Variants in MYH3 observed in about 807,000 individuals in gnomAD.
MYH3 encodes myosin heavy chain 3, also known as myosin-3.
MYH3 carries 130 observed loss-of-function variants against 238.0 expected under a neutral mutation model. That is an observed-to-expected ratio of 0.55 (90% CI 0.47 to 0.63). The LOEUF is 0.63. MYH3 is among the 30% of genes least tolerant of loss of function. The pLI, the probability that MYH3 is intolerant of heterozygous loss-of-function variation, is 0.00. For synonymous variants in MYH3, 880 were observed against 924.1 expected (o/e 0.95, Z 0.86); for missense variants, 1,853 against 2,374.9 (o/e 0.78, Z 4.57).
In MYH3 at chr17:10,628,593, G is replaced by A. The variant is rs1166544248; in HGVS notation, c.*60C>T. The A allele has an allele frequency of 5.7e-6, 9 of 1,572,590 alleles. No homozygotes were observed. The highest frequency in any genetic ancestry group is 7.9e-6 in the Non-Finnish European group (9 of 1,142,358). On this transcript the variant is annotated 3_prime_UTR_variant, in exon 41 of 41. Coordinates refer to ENST00000583535, the MANE Select transcript of MYH3 (RefSeq NM_002470.4). ...GTCACATGGACATTAAGTATCAATGGTCAGGAATCAAGAAAATATACATTT... is the reference window on the plus strand; with the variant it reads ...GTCACATGGACATTAAGTATCAATGATCAGGAATCAAGAAAATATACATTT...
At chr17:10,661,278 G>C (rs1426331654), upstream of MYH3, among the ~76,000 whole-genome samples, 1 of 119,164 alleles carries the variant, frequency 8.4e-6, no homozygotes, top group Non-Finnish European at 1.6e-5. Flanking sequence ...CACCCAGCCT[G>C]AGACTCCATC....
At position 10,642,929 on chromosome 17, in the gene MYH3, T is replaced by C; in HGVS notation, c.1478A>G (p.His493Arg). ...CTCCTCCTGCTCCAGCACGAACATGTGGTGGTTGAAAAACTGTTGCAGTTT... is the reference window on the plus strand; with the variant it reads ...CTCCTCCTGCTCCAGCACGAACATGCGGTGGTTGAAAAACTGTTGCAGTTT... ...NEKLQQFFNH[H>R]MFVLEQEEYK... Residue 493 changes from histidine to arginine, a missense_variant, in exon 15 of 41, where the codon CAC becomes CGC. Physicochemically the swap from His to Arg is conservative, Grantham distance 29 (BLOSUM62 0). Coordinates refer to ENST00000583535, the MANE Select transcript of MYH3 (RefSeq NM_002470.4). The surrounding 1 kb of genome is among the most constrained non-coding windows in gnomAD (Gnocchi z 5.4). 6.2e-7 allele frequency: 1 copy of C among 1,614,170 alleles called. No individual in the cohort carries two copies. Among genetic ancestry groups the C allele is most frequent in the South Asian group, 1.1e-5 (1 of 91,076 alleles).
At position 10,643,003 on chromosome 17, in the gene MYH3, A is replaced by C. The variant is rs2074287483; in HGVS notation, c.1411-7T>G. 1.2e-6 allele frequency: 2 copies of C among 1,614,022 alleles called. No individual in the cohort carries two copies. Among genetic ancestry groups the C allele is most frequent in the Admixed American group, 1.7e-5 (1 of 59,996 alleles). ...GCTGCTCCAGGCTGTTATACTAATAAAAAAATACAACATTCATGTGAAAAG... is the reference window on the plus strand; with the variant it reads ...GCTGCTCCAGGCTGTTATACTAATACAAAAATACAACATTCATGTGAAAAG... On this transcript the variant is annotated splice_polypyrimidine_tract_variant and splice_region_variant and intron_variant, in intron 14 of 40. Coordinates refer to ENST00000583535, the MANE Select transcript of MYH3 (RefSeq NM_002470.4).
At chr17:10,671,142 C>T in the MYH3 span, among the ~76,000 whole-genome samples, 9 of 152,290 alleles carry the variant, frequency 5.9e-5, no homozygotes, top group Admixed American at 2.0e-4. Context: ...GATCCGCCCG[C>T]CTTGGCTCCT....
chr17:10,641,380 A>G lies in MYH3; in HGVS notation c.1960-8T>C, dbSNP rs1597487275. 1 of 175,014 alleles carries G rather than the reference A, an allele frequency of 5.7e-6. No homozygotes were observed. Among genetic ancestry groups the G allele is most frequent in the Non-Finnish European group, 1.3e-5 (1 of 78,894 alleles). 10.8% of individuals were successfully genotyped at this position (175,014 alleles called of 1,614,324 possible). On this transcript the variant is annotated splice_region_variant and splice_polypyrimidine_tract_variant and intron_variant, in intron 17 of 40. Coordinates refer to ENST00000583535, the MANE Select transcript of MYH3 (RefSeq NM_002470.4). ...CAGCTTGTTCAGGTTTTCCTAAGAG[A>G]AAAAAAAAATGACATTTGCCATCCT...
intron 8 of MYH3, 90 bp downstream of exon 8, chr17:10,648,467 G>T: frequency 9.5e-7 from 1 of 1,057,974 alleles, no homozygotes; most frequent in Non-Finnish European, 1.5e-6. Flanking sequence ...ATCATCTGTT[G>T]CCTCTGGTCT....
the MYH3 span, among the ~76,000 whole-genome samples, chr17:10,664,739 T>C: frequency 1.3e-5 from 2 of 152,104 alleles, no homozygotes; most frequent in Non-Finnish European, 2.9e-5. Context: ...GCAGGCTGCA[T>C]TGAACTCAGA....
chr17:10,650,568 T>C (rs1268716553), intron 5 of MYH3, among the ~76,000 whole-genome samples, 167 bp from the exon 6 acceptor site: 1 of 152,222 alleles, frequency 6.6e-6, no homozygotes, highest in Non-Finnish European at 1.5e-5. Context: ...CTTTTTATTT[T>C]ATTTTATTTT....
chr17:10,637,965 A>G (rs1567554926), intron 27 of MYH3, 30 bp from the exon 28 acceptor site: 3 of 1,614,134 alleles, frequency 1.9e-6, no homozygotes, highest in Non-Finnish European at 2.5e-6. Flanking sequence ...GAGCAAAGTC[A>G]GTCAGCAAAG....
In MYH3 at chr17:10,631,905, G is replaced by A. The variant is rs758929619; in HGVS notation, c.5068C>T (p.Arg1690Trp). ...NLLQAEVEEL[R>W]ATLEQTERAR... The stretch of plus-strand genomic sequence containing the variant: ...CTCTCCGTCTGCTCCAGAGTAGCCC[G>A]CAGCTCCTCCACCTCGGCCTGCAGC... The change falls in exon 35 of 41, where the codon CGG (arginine) becomes TGG (tryptophan). Residue 1690 changes from arginine to tryptophan, a missense_variant. By Grantham distance (101) the Arg-to-Trp change is moderately radical. Around this residue, in one of 3 missense-constraint regions of MYH3, gnomAD observed 1,044 missense variants for 1,192.6 expected, o/e 0.88. Coordinates refer to ENST00000583535, the MANE Select transcript of MYH3 (RefSeq NM_002470.4). 6 of 1,613,996 alleles carry A rather than the reference G, an allele frequency of 3.7e-6. No individual in the cohort carries two copies. Among genetic ancestry groups the A allele is most frequent in the African/African-American group, 2.7e-5 (2 of 74,908 alleles).
At position 10,640,650 on chromosome 17, in the gene MYH3, T is replaced by G. The variant is rs761940764; in HGVS notation, c.2202A>C (p.Gly734=). 8.1e-6 allele frequency: 13 copies of G among 1,614,204 alleles called. No homozygotes were observed. The Admixed American group carries it at 2.2e-4, about 27-fold the overall frequency. Residue 734 remains glycine, a synonymous_variant, in exon 20 of 41, where the codon GGA becomes GGC. Transcript: ENST00000583535. ...AGGCTTTCTTGCTGTCAATGAATTG[T>G]CCCTCAGGGATTGCACTGGCATTCA... ...RVLNASAIPE[G]QFIDSKKACE... is the part of the protein sequence containing the mutation.
Position 10,649,338 on chromosome 17 carries a change from T to C in MYH3, c.642+239A>G, listed in dbSNP as rs149937046. Among the ~76,000 whole-genome samples, 39 of 152,350 alleles carry C rather than the reference T, an allele frequency of 2.6e-4. No individual in the cohort carries two copies. In the East Asian group the frequency reaches 5.6e-3, roughly 22 times the overall value. ...CAAGCTCTCTGAGCCGTCTGCAGATTGACCTCTGAAGTTTAGCCCTAGAGC... is the reference window on the plus strand; with the variant it reads ...CAAGCTCTCTGAGCCGTCTGCAGATCGACCTCTGAAGTTTAGCCCTAGAGC... On this transcript the variant is annotated intron_variant, in intron 7 of 40. Transcript: ENST00000583535.
chr17:10,651,479 C>T (rs1379354654), intron 5 of MYH3, 33 bp downstream of exon 5: 1 of 1,612,362 alleles, frequency 6.2e-7, no homozygotes, highest in Non-Finnish European at 8.5e-7. Context: ...AGTGCCTGCT[C>T]CAGCATCCCA....
chr17:10,634,018 C>G lies in MYH3; in HGVS notation c.4521G>C (p.Glu1507Asp). 6.2e-7 allele frequency: 1 copy of G among 1,613,844 alleles called. No individual in the cohort carries two copies. The change falls in exon 32 of 41, where the codon GAG becomes GAC. Residue 1507 changes from glutamate (E) to aspartate (D), a missense_variant and splice_region_variant. By Grantham distance (45) the Glu-to-Asp change is conservative. Around this residue, in one of 3 missense-constraint regions of MYH3, gnomAD observed 1,044 missense variants for 1,192.6 expected, o/e 0.88. Transcript: ENST00000583535. ...TTCAGAGGGTTTCGAATAGCTTACG[C>G]TCTAAGTTCTTATTTTCCCGTTTCA... ...ETVKRENKNL[E>D]QEIADLTEQI...
At chr17:10,662,465 TAA>T in the MYH3 span, among the ~76,000 whole-genome samples, 4 of 152,214 alleles carry the variant, frequency 2.6e-5, no homozygotes, top group African/African-American at 7.2e-5. Context: ...TCTCTGTAGC[TAA>T]GTCTTATTTT....
In MYH3 at chr17:10,654,233, C is replaced by G. The variant is rs1036008658; in HGVS notation, c.204+628G>C. Among the ~76,000 whole-genome samples the G allele has an allele frequency of 2.0e-5, 3 of 150,198 alleles. No homozygotes were observed. Among genetic ancestry groups the G allele is most frequent in the Admixed American group, 6.7e-5 (1 of 14,994 alleles). On this transcript the variant is annotated intron_variant, in intron 3 of 40. Coordinates refer to ENST00000583535, the MANE Select transcript of MYH3 (RefSeq NM_002470.4). This position sits in a 1 kb window ranked among gnomAD's most constrained non-coding sequence, Gnocchi z 4.5. Reference sequence around the variant, plus strand: ...TCCTTCCCTCCATCTCTCTTTCACTCTTTCTTTCTTTTTTCCTTTTTTTGC... The same window carrying G: ...TCCTTCCCTCCATCTCTCTTTCACTGTTTCTTTCTTTTTTCCTTTTTTTGC...
In MYH3 at chr17:10,642,504, G is replaced by A; in HGVS notation, c.1801C>T (p.Pro601Ser). 1 of 1,614,184 alleles carries A rather than the reference G, an allele frequency of 6.2e-7. No homozygotes were observed. The highest frequency in any genetic ancestry group is 2.2e-5 in the East Asian group (1 of 44,870). Residue 601 changes from proline to serine, a missense_variant, in exon 16 of 41, where the codon CCT becomes TCT. Transcript: ENST00000583535. This position sits in a 1 kb window ranked among gnomAD's most constrained non-coding sequence, Gnocchi z 5.4. ...VSGWLEKNKD[P>S]LNETVVGLYQ... ...AGCCCAACCACAGTCTCGTTCAGAG[G>A]GTCCTTGTTCTTCTCCAGCCAACCT...
chr17:10,645,838 A>G lies in MYH3; in HGVS notation c.1010T>C (p.Ile337Thr). The change falls in exon 12 of 41, where the codon ATT becomes ACT. Residue 337 changes from isoleucine (I) to threonine (T), a missense_variant. By Grantham distance (89) the Ile-to-Thr change is moderately conservative (BLOSUM62 -1). Transcript: ENST00000583535. ...AEELLATDSA[I>T]DILGFTPEEK... ...TTCTGGGGTGAAGCCCAGGATGTCA[A>G]TGGCGCTCTGGCATGGAAAGGGCAG... 1.9e-6 allele frequency: 3 copies of G among 1,613,876 alleles called. No homozygotes were observed. Among genetic ancestry groups the G allele is most frequent in the Non-Finnish European group, 2.5e-6 (3 of 1,179,996 alleles).
At position 10,649,947 on chromosome 17, in the gene MYH3, T is replaced by C. The variant is rs8067108; in HGVS notation, c.534-262A>G. ...CTCCCCATCCCCAAATCGATCTTTT[T>C]ATTTTTTATTTATTTATTTTTCTCT... On this transcript the variant is annotated intron_variant, in intron 6 of 40. Transcript: ENST00000583535. Among the ~76,000 whole-genome samples, 3,512 of 152,228 alleles carry C rather than the reference T, an allele frequency of 0.023. 129 individuals carry two copies. Among genetic ancestry groups the C allele is most frequent in the African/African-American group, 0.081 (3,351 of 41,542 alleles).
Sources: allele counts gnomAD v4.1 joint callset (sites outside exome capture counted in the v4.1 genomes callset), GRCh38; gene constraint gnomAD v4.1.1; regional missense constraint gnomAD v4.1.1; non-coding constraint Gnocchi (gnomAD v3.1); transcripts MANE v1.5; gene names NCBI Gene and HGNC (gene_info 2026-07-23, HGNC 2026-07-21).